The following TTC28 variants were observed in gnomAD, a reference collection of about 807,000 sequenced individuals.
The protein encoded by TTC28 is tetratricopeptide repeat protein 28.
Under a neutral mutation model 198.0 loss-of-function variants are expected in TTC28, and 61 were observed. That is an observed-to-expected ratio of 0.31 (90% CI 0.25 to 0.38). The LOEUF (loss-of-function observed/expected upper bound fraction) is 0.38, where lower values mean the gene tolerates loss of function less well. Ranked by LOEUF, TTC28 falls within the 10% of genes least tolerant of loss-of-function variation. The probability of loss-of-function intolerance (pLI) is 1.00; values close to 1 mark genes in which losing one functional copy is unlikely to be tolerated. For synonymous variants in TTC28, 1,171 were observed against 1,297.8 expected (o/e 0.90, Z 2.10); for missense variants, 2,678 against 3,164.0 (o/e 0.85, Z 3.69).
intron 2 of TTC28, among the ~76,000 whole-genome samples, chr22:28,516,754 T>C (rs112449533): frequency 4.0e-5 from 6 of 151,306 alleles, no homozygotes; most frequent in African/African-American, 1.2e-4. Context: ...GAACTTAAAG[T>C]ATAATAAAAA....
At chr22:28,641,950 A>T (rs2051372656) in intron 1 of TTC28, among the ~76,000 whole-genome samples, 1 of 152,168 alleles carries the variant, frequency 6.6e-6, no homozygotes, top group African/African-American at 2.4e-5. Context: ...TGTACGTATA[A>T]ATTACCCATT....
At chr22:28,374,028 C>G (rs2046374975) in intron 2 of TTC28, among the ~76,000 whole-genome samples, 1 of 152,172 alleles carries the variant, frequency 6.6e-6, no homozygotes, top group African/African-American at 2.4e-5. Context: ...TATACTTAGT[C>G]ATAGACATCT....
At chr22:28,302,623 A>C (rs2045049183) in intron 3 of TTC28, among the ~76,000 whole-genome samples, 1 of 152,210 alleles carries the variant, frequency 6.6e-6, no homozygotes. Context: ...TGCTGGAATT[A>C]GATTCCAATC....
intron 2 of TTC28, among the ~76,000 whole-genome samples, chr22:28,404,660 A>C (rs1324786634): frequency 6.6e-6 from 1 of 152,120 alleles, no homozygotes; most frequent in Non-Finnish European, 1.5e-5. Flanking sequence ...TTTTCTCACT[A>C]TCTTCTCAGA....
At chr22:28,229,574 T>C (rs1928642322) in intron 5 of TTC28, among the ~76,000 whole-genome samples, 1 of 152,210 alleles carries the variant, frequency 6.6e-6, no homozygotes, top group South Asian at 2.1e-4. Flanking sequence ...ACAATATATT[T>C]GAGGCTATAT....
At chr22:28,520,035 C>A (rs931166961) in intron 2 of TTC28, among the ~76,000 whole-genome samples, 2 of 152,190 alleles carry the variant, frequency 1.3e-5, no homozygotes, top group Middle Eastern at 3.4e-3. Flanking sequence ...TCTAATATTT[C>A]ATAGTAGGCA....
At chr22:28,018,831 G>A (rs1253510725) in intron 13 of TTC28, among the ~76,000 whole-genome samples, 1 of 152,206 alleles carries the variant, frequency 6.6e-6, no homozygotes, top group African/African-American at 2.4e-5. Flanking sequence ...TCAGAGGACA[G>A]GATGTGGCAG....
In TTC28 at chr22:27,998,998, G is replaced by A. The variant is rs371654401; in HGVS notation, c.4661C>T (p.Ser1554Leu). Reference protein sequence around the residue: ...HFATHISWKLSALVLTPSMDG... With the variant: ...HFATHISWKLLALVLTPSMDG... ...CATGCTGGGCGTGAGGACCAAGGCCGACAGCTTCCAGGAGATGTGGGTGGC... is the reference window on the plus strand; with the variant it reads ...CATGCTGGGCGTGAGGACCAAGGCCAACAGCTTCCAGGAGATGTGGGTGGC... The change falls in exon 16 of 23, where the codon TCG becomes TTG. Residue 1554 changes from serine to leucine, a missense_variant. By Grantham distance (145) the Ser-to-Leu change is moderately radical. This residue lies in a region of TTC28 where 727 missense variants were observed against 861.9 expected (regional missense o/e 0.84). Coordinates refer to ENST00000397906, the MANE Select transcript of TTC28 (RefSeq NM_001145418.2). 15 of 1,550,450 alleles carry A rather than the reference G, an allele frequency of 9.7e-6. 1 individual carries two copies. The highest frequency in any genetic ancestry group is 5.9e-5 in the South Asian group (5 of 84,062).
At chr22:28,091,051 T>C (rs1176581038) in intron 12 of TTC28, among the ~76,000 whole-genome samples, 1 of 152,164 alleles carries the variant, frequency 6.6e-6, no homozygotes, top group African/African-American at 2.4e-5. Context: ...ACTCATTAGC[T>C]CTCTGTATAG....
intron 2 of TTC28, among the ~76,000 whole-genome samples, chr22:28,455,477 G>A (rs529773415): frequency 6.6e-6 from 1 of 152,228 alleles, no homozygotes; most frequent in South Asian, 2.1e-4. Context: ...ACTTTGGGAT[G>A]CCGAGGTGGG....
intron 2 of TTC28, among the ~76,000 whole-genome samples, chr22:28,574,413 T>A (rs972983456): frequency 7.2e-5 from 11 of 152,120 alleles, no homozygotes; most frequent in African/African-American, 2.7e-4. Flanking sequence ...ATTTTCTTTA[T>A]CCATTCATCT....
At chr22:28,452,259 A>G (rs562676370) in intron 2 of TTC28, among the ~76,000 whole-genome samples, 1 of 151,894 alleles carries the variant, frequency 6.6e-6, no homozygotes, top group Non-Finnish European at 1.5e-5. Context: ...GCATGGTGGC[A>G]TGCACCTGTA....
chr22:28,466,764 GCC>G (rs1398008627), intron 2 of TTC28, among the ~76,000 whole-genome samples: 1 of 150,530 alleles, frequency 6.6e-6, no homozygotes, highest in Admixed American at 6.7e-5. Flanking sequence ...TCTAGCATAA[GCC>G]CCCTTATTTT....
At chr22:28,579,015 A>T (rs1188835120) in intron 2 of TTC28, among the ~76,000 whole-genome samples, 1 of 151,936 alleles carries the variant, frequency 6.6e-6, no homozygotes, top group Non-Finnish European at 1.5e-5. Context: ...ATGCAAGTAC[A>T]TATATGTATA....
intron 1 of TTC28, among the ~76,000 whole-genome samples, chr22:28,645,626 C>CAA (rs555638293): frequency 3.9e-5 from 3 of 76,128 alleles, no homozygotes; most frequent in Admixed American, 1.5e-4. Context: ...GACTACATCT[C>CAA]AAAAAAAAAA....
At chr22:28,288,617 C>T (rs2044731440) in intron 5 of TTC28, among the ~76,000 whole-genome samples, 2 of 151,646 alleles carry the variant, frequency 1.3e-5, no homozygotes, top group South Asian at 4.2e-4. Flanking sequence ...ACCATCCTGG[C>T]TAACACGGTG....
chr22:28,179,776 G>A lies in TTC28; in HGVS notation c.934-16177C>T, dbSNP rs192734951. On this transcript the variant is annotated intron_variant, in intron 5 of 22. Coordinates refer to ENST00000397906, the MANE Select transcript of TTC28 (RefSeq NM_001145418.2). ...TGTTGTTTTAAGCTACTAAAATATT[G>A]AGATTGTTATTACAGTATATCCTGG... Among the ~76,000 whole-genome samples, 142 of 152,234 alleles carry A rather than the reference G, an allele frequency of 9.3e-4. 1 individual carries two copies. Among genetic ancestry groups the A allele is most frequent in the African/African-American group, 3.2e-3 (135 of 41,544 alleles).
intron 2 of TTC28, among the ~76,000 whole-genome samples, chr22:28,580,712 A>T (rs1179287809): frequency 6.6e-6 from 1 of 152,206 alleles, no homozygotes; most frequent in Non-Finnish European, 1.5e-5. Flanking sequence ...TTTTTATCTG[A>T]ATCTATTTGC....
chr22:28,456,119 A>G (rs1042403328), intron 2 of TTC28, among the ~76,000 whole-genome samples: 20 of 150,340 alleles, frequency 1.3e-4, no homozygotes, highest in Admixed American at 1.1e-3. Context: ...AGATTGCACC[A>G]CTACACTCCA....
Sources: gnomAD v4.1 joint callset for allele counts (sites outside exome capture counted in the v4.1 genomes callset) on GRCh38, gnomAD v4.1.1 for gene constraint, gnomAD v4.1.1 regional missense constraint, MANE v1.5 for transcripts, NCBI Gene and HGNC (gene_info 2026-07-23, HGNC 2026-07-21) for gene names.